NXPE2: variants seen among roughly 807,000 people sequenced by gnomAD.
NXPE2 encodes the protein neurexophilin and PC-esterase domain family member 2.
In NXPE2, 34 loss-of-function variants were observed where a neutral mutation model predicts 34.4. That is an observed-to-expected ratio of 0.99 (90% CI 0.75 to 1.31). NXPE2 has a LOEUF of 1.31. NXPE2 is among the 40% of genes most tolerant of loss of function. The probability of loss-of-function intolerance (pLI) is 0.00; values close to 1 mark genes in which losing one functional copy is unlikely to be tolerated. For synonymous variants in NXPE2, 235 were observed against 231.3 expected (o/e 1.02, Z -0.15); for missense variants, 649 against 672.5 (o/e 0.97, Z 0.39).
the NXPE2 span, among the ~76,000 whole-genome samples, chr11:114,775,880 G>GA: frequency 0.033 from 4,795 of 144,086 alleles, 230 homozygotes; most frequent in African/African-American, 0.11. Flanking sequence ...ACAAAAAAAC[G>GA]AAAAAAAAAA....
chr11:114,535,020 G>A, the NXPE2 span, among the ~76,000 whole-genome samples: 1 of 152,118 alleles, frequency 6.6e-6, no homozygotes. Context: ...AATGTTAAGG[G>A]CAGCCAGAGA....
chr11:114,708,038 C>T (rs1176982244), downstream of NXPE2, among the ~76,000 whole-genome samples: 1 of 152,172 alleles, frequency 6.6e-6, no homozygotes, highest in Non-Finnish European at 1.5e-5. Context: ...CAGTGCTGAG[C>T]ATGATGATTG....
At chr11:114,631,260 C>A in the NXPE2 span, among the ~76,000 whole-genome samples, 1 of 151,810 alleles carries the variant, frequency 6.6e-6, no homozygotes, top group Admixed American at 6.6e-5. Flanking sequence ...ATAGCAAAGA[C>A]TTGGAACCAA....
the NXPE2 span, among the ~76,000 whole-genome samples, chr11:114,803,137 C>T: frequency 1.3e-5 from 2 of 152,218 alleles, no homozygotes; most frequent in Non-Finnish European, 2.9e-5. Context: ...CGGCCTTTGT[C>T]AATTGTTCTG....
the NXPE2 span, among the ~76,000 whole-genome samples, chr11:114,564,585 A>C: frequency 6.6e-6 from 1 of 152,160 alleles, no homozygotes; most frequent in Non-Finnish European, 1.5e-5. Flanking sequence ...ATGGTGCAGG[A>C]GTGCACAGAG....
the NXPE2 span, among the ~76,000 whole-genome samples, chr11:114,667,323 T>G: frequency 2.0e-5 from 3 of 152,184 alleles, no homozygotes; most frequent in South Asian, 6.2e-4. Flanking sequence ...TAATTATATT[T>G]AATAACTAAA....
the NXPE2 span, among the ~76,000 whole-genome samples, chr11:114,614,439 G>A: frequency 2.0e-5 from 3 of 151,646 alleles, no homozygotes; most frequent in African/African-American, 4.8e-5. Context: ...GTATTGCCTC[G>A]TGGGTAACCA....
the NXPE2 span, among the ~76,000 whole-genome samples, chr11:114,629,786 C>A: frequency 6.6e-6 from 1 of 150,644 alleles, no homozygotes; most frequent in African/African-American, 2.4e-5. Context: ...TGTCTCAGCC[C>A]AAAATCTCCT....
chr11:114,748,436 A>G, the NXPE2 span, among the ~76,000 whole-genome samples: 1 of 152,222 alleles, frequency 6.6e-6, no homozygotes, highest in Non-Finnish European at 1.5e-5. Context: ...TGTTTACAGC[A>G]AAAGAATTCA....
chr11:114,746,940 A>G, the NXPE2 span, among the ~76,000 whole-genome samples: 1 of 151,518 alleles, frequency 6.6e-6, no homozygotes, highest in Non-Finnish European at 1.5e-5. Flanking sequence ...CCCTAAGCCT[A>G]AAGAAAGCAA....
chr11:114,625,875 G>T, the NXPE2 span, among the ~76,000 whole-genome samples: 1 of 152,132 alleles, frequency 6.6e-6, no homozygotes, highest in Non-Finnish European at 1.5e-5. Context: ...AGCGCAAGGG[G>T]TCAGGGAGTT....
At chr11:114,601,720 ATAATTATATATTATATATAAT>A in the NXPE2 span, among the ~76,000 whole-genome samples, 5 of 72,126 alleles carry the variant, frequency 6.9e-5, no homozygotes, top group African/African-American at 2.9e-4. Flanking sequence ...ATTATATATT[ATAATTATATATTATATATAAT>A]TATAATATAT....
In NXPE2 at chr11:114,701,193, T is replaced by C. The variant is rs548541031; in HGVS notation, c.866+2415T>C. ...TGGAGACATAAAGGTCTTCCTGTCT[T>C]GAAGGTCTCAGAATTATGTCTTAAG... On this transcript the variant is annotated intron_variant, in intron 3 of 5. Transcript: ENST00000389586. 2.0e-5 allele frequency among the ~76,000 whole-genome samples: 3 copies of C among 152,310 alleles called. No individual in the cohort carries two copies. In the East Asian group the frequency reaches 5.8e-4, roughly 29 times the overall value.
the NXPE2 span, among the ~76,000 whole-genome samples, chr11:114,559,356 A>G: frequency 1.3e-5 from 2 of 152,196 alleles, no homozygotes; most frequent in African/African-American, 4.8e-5. Context: ...TTCCTGTGAC[A>G]TATTCATACA....
the NXPE2 span, chr11:114,530,542 C>T: frequency 2.2e-5 from 35 of 1,613,900 alleles, no homozygotes; most frequent in Non-Finnish European, 1.5e-5. Flanking sequence ...AAGTCCATCA[C>T]CTTTCCTGAA....
chr11:114,684,310 C>G (rs1173393997), intron 2 of NXPE2, among the ~76,000 whole-genome samples: 5 of 151,758 alleles, frequency 3.3e-5, no homozygotes, highest in African/African-American at 1.2e-4. Context: ...GCCTGTAGTC[C>G]CAGCTACTCG....
chr11:114,600,760 TA>T, the NXPE2 span, among the ~76,000 whole-genome samples: 1 of 152,106 alleles, frequency 6.6e-6, no homozygotes, highest in South Asian at 2.1e-4. Flanking sequence ...GTACCAATGT[TA>T]ATTTCTTAAT....
At chr11:114,581,366 T>C in the NXPE2 span, among the ~76,000 whole-genome samples, 2 of 151,996 alleles carry the variant, frequency 1.3e-5, no homozygotes, top group African/African-American at 2.4e-5. Context: ...GATGGGCTAG[T>C]GGTGATATGG....
the NXPE2 span, chr11:114,571,186 GA>G: frequency 6.2e-7 from 1 of 1,613,844 alleles, no homozygotes; most frequent in Non-Finnish European, 8.5e-7. Context: ...GGGCTTCTCA[GA>G]AGAAGATGCT....
Sources: allele counts gnomAD v4.1 joint callset (sites outside exome capture counted in the v4.1 genomes callset), GRCh38; gene constraint gnomAD v4.1.1; transcripts MANE v1.5; gene names NCBI Gene and HGNC (gene_info 2026-07-23, HGNC 2026-07-21).